CPT1A: variants seen among roughly 807,000 people sequenced by gnomAD.
CPT1A encodes the protein carnitine palmitoyltransferase 1A, also known as carnitine O-palmitoyltransferase 1, liver isoform.
In CPT1A, 64 loss-of-function variants were observed where a neutral mutation model predicts 100.8. That is an observed-to-expected ratio of 0.63 (90% CI 0.52 to 0.78). The LOEUF (loss-of-function observed/expected upper bound fraction) is 0.78. CPT1A is among the 30% of genes least tolerant of loss of function. CPT1A has a pLI of 0.00. For missense variants in CPT1A, 802 were observed against 1,034.1 expected, an observed-to-expected ratio of 0.78 and a Z score of 3.08; for synonymous variants, 363 against 396.0, an observed-to-expected ratio of 0.92 and a Z score of 0.99.
In CPT1A at chr11:68,781,621, AAAAAT is replaced by A. The variant is rs528239188; in HGVS notation, c.1352+145_1352+149del. On this transcript the variant is annotated intron_variant, in intron 11 of 18. Coordinates refer to ENST00000265641, the MANE Select transcript of CPT1A (RefSeq NM_001876.4). ...GGTGACAGAGCAAGACTCCATTTCAAAAAATAAAATAAAATAAAACTGAAGGTTAT... is the reference window on the plus strand; with the variant it reads ...GGTGACAGAGCAAGACTCCATTTCAAAAAATAAAATAAAACTGAAGGTTAT... 1.9e-4 allele frequency: 157 copies of A among 828,542 alleles called. No individual in the cohort carries two copies. In the Admixed American group the frequency reaches 2.8e-3, roughly 15 times the overall value. 51.3% of individuals were successfully genotyped at this position (828,542 alleles called of 1,614,324 possible).
chr11:68,802,427 C>G (rs1855927726), intron 5 of CPT1A, among the ~76,000 whole-genome samples: 1 of 31,918 alleles, frequency 3.1e-5, no homozygotes, highest in Non-Finnish European at 6.5e-5. Context: ...AACTCCGTCT[C>G]TGGAAAAAAA....
At chr11:68,779,584 C>G (rs1475160319) in intron 12 of CPT1A, among the ~76,000 whole-genome samples, 1 of 150,778 alleles carries the variant, frequency 6.6e-6, no homozygotes, top group Non-Finnish European at 1.5e-5. Context: ...TCCCCTGTGC[C>G]CAGGAGTTCA....
intron 9 of CPT1A, among the ~76,000 whole-genome samples, chr11:68,788,678 T>G (rs911942917): frequency 2.8e-5 from 2 of 72,528 alleles, no homozygotes; most frequent in African/African-American, 9.9e-5. Flanking sequence ...AATATATAAA[T>G]ACTTTCTACA....
chr11:68,771,929 A>G (rs1182226417), intron 14 of CPT1A, among the ~76,000 whole-genome samples: 1 of 152,214 alleles, frequency 6.6e-6, no homozygotes, highest in Non-Finnish European at 1.5e-5. Flanking sequence ...GGATAACAAG[A>G]GTGCCTCCCA....
chr11:68,804,015 T>G lies in CPT1A; in HGVS notation c.540A>C (p.Lys180Asn), dbSNP rs1274094235. 7.4e-6 allele frequency: 12 copies of G among 1,613,800 alleles called. No homozygotes were observed. Among genetic ancestry groups the G allele is most frequent in the African/African-American group, 1.3e-5 (1 of 74,932 alleles). ...SLPRLPVPAV[K>N]DTVNRYLQSV... The stretch of plus-strand genomic sequence containing the variant: ...CCACACCTACCCTGTTCACAGTGTC[T>G]TTGACAGCCGGGACCGGCAGGCGAG... Residue 180 changes from lysine to asparagine, a missense_variant, in exon 5 of 19, where the codon AAA becomes AAC. Lys to Asn is a moderately conservative substitution (Grantham distance 94, BLOSUM62 0). This residue lies in a region of CPT1A where 627 missense variants were observed against 799.3 expected (regional missense o/e 0.78). Coordinates refer to ENST00000265641, the MANE Select transcript of CPT1A (RefSeq NM_001876.4).
Position 68,780,722 on chromosome 11 carries a change from A to G in CPT1A, c.1376T>C (p.Phe459Ser). 1 of 1,614,248 alleles carries G rather than the reference A, an allele frequency of 6.2e-7. No individual in the cohort carries two copies. Among genetic ancestry groups the G allele is most frequent in the Non-Finnish European group, 8.5e-7 (1 of 1,180,034 alleles). ...YDRWFDKSFTFVVFKNGKMGL... is the reference protein window; with the variant it reads ...YDRWFDKSFTSVVFKNGKMGL... The stretch of plus-strand genomic sequence containing the variant: ...CATCTTCCCGTTTTTGAAGACAACA[A>G]ACGTGAACGACTTGTCAAACCACCT... Residue 459 changes from phenylalanine (F) to serine (S), a missense_variant, in exon 12 of 19, where the codon TTT becomes TCT. Coordinates refer to ENST00000265641, the MANE Select transcript of CPT1A (RefSeq NM_001876.4).
chr11:68,773,827 A>T (rs1855064585), intron 13 of CPT1A: 1 of 310,198 alleles, frequency 3.2e-6, no homozygotes, highest in Non-Finnish European at 6.3e-6. Context: ...TCCCGATAAG[A>T]TCTCAAGCGT....
At chr11:68,830,361 C>T (rs1222847150) in intron 1 of CPT1A, among the ~76,000 whole-genome samples, 1 of 152,142 alleles carries the variant, frequency 6.6e-6, no homozygotes, top group Non-Finnish European at 1.5e-5. Context: ...TGGGAGCTCA[C>T]ACAGACCTCC....
intron 13 of CPT1A, chr11:68,773,965 A>T (rs760756341): frequency 2.3e-4 from 44 of 187,590 alleles, no homozygotes; most frequent in Admixed American, 5.9e-4. Context: ...GCACAACTCC[A>T]GTAAACATAC....
chr11:68,811,455 T>G (rs541909991), intron 3 of CPT1A, among the ~76,000 whole-genome samples: 1 of 152,206 alleles, frequency 6.6e-6, no homozygotes, highest in Admixed American at 6.5e-5. Context: ...ACGAGGAAGC[T>G]GAGTTGCCCT....
At chr11:68,838,578 A>AAAAAAAAAAAAAAAAAAAAC (rs1555235318) in intron 1 of CPT1A, among the ~76,000 whole-genome samples, 1 of 144,292 alleles carries the variant, frequency 6.9e-6, no homozygotes, top group Non-Finnish European at 1.5e-5. Flanking sequence ...TTTTTAAAAA[A>AAAAAAAAAAAAAAAAAAAAC]AAAAAAAAAA....
intron 9 of CPT1A, among the ~76,000 whole-genome samples, chr11:68,790,110 A>C (rs1375622976): frequency 6.6e-6 from 1 of 151,888 alleles, no homozygotes; most frequent in African/African-American, 2.4e-5. Context: ...TCTGTCACCC[A>C]GGCTAAGTGC....
chr11:68,799,344 C>G lies in CPT1A; in HGVS notation c.567G>C (p.Ser189=), dbSNP rs1366738895. ...VKDTVNRYLQ[S]VRPLMKEEDF... ...CTTCTTCCTTCATAAGAGGCCTCAC[C>G]GACTGTAGATACTGGGATTATTGGG... Residue 189 remains serine (S), a synonymous_variant, in exon 6 of 19, where the codon TCG becomes TCC. Transcript: ENST00000265641. 1.4e-5 allele frequency: 22 copies of G among 1,613,634 alleles called. No individual in the cohort carries two copies. The highest frequency in any genetic ancestry group is 1.9e-5 in the Non-Finnish European group (22 of 1,179,884).
At position 68,760,605 on chromosome 11, in the gene CPT1A, T is replaced by C. The variant is rs148216817; in HGVS notation, c.2029-267A>G. Among the ~76,000 whole-genome samples the C allele has an allele frequency of 3.3e-3, 505 of 152,178 alleles. 3 individuals are homozygous for C. Among genetic ancestry groups the C allele is most frequent in the African/African-American group, 0.011 (465 of 41,516 alleles). On this transcript the variant is annotated intron_variant, in intron 16 of 18. Transcript: ENST00000265641. ...TCTCAGACAGTGAAGGTAACAGATATATGGAGTAAGATTCGGAACGGGGAC... is the reference window on the plus strand; with the variant it reads ...TCTCAGACAGTGAAGGTAACAGATACATGGAGTAAGATTCGGAACGGGGAC...
intron 1 of CPT1A, among the ~76,000 whole-genome samples, chr11:68,836,328 T>C (rs1006421810): frequency 2.0e-5 from 3 of 149,042 alleles, no homozygotes; most frequent in Admixed American, 2.0e-4. Flanking sequence ...ATATAAAAAA[T>C]TAGCTAGGTG....
At position 68,807,606 on chromosome 11, in the gene CPT1A, AC is replaced by A; in HGVS notation, c.313del (p.Val105SerfsTer22). ...NCMSSQTKNV[V>X]SGVLFGTGLW... ...GCCGGTGCCAAACAGCACGCCGCTG[AC>A]CACGTTCTTCGTCTGGCTGGACATG... On this transcript the variant is annotated frameshift_variant, in exon 4 of 19. Coordinates refer to ENST00000265641, the MANE Select transcript of CPT1A (RefSeq NM_001876.4). LOFTEE classifies it high-confidence loss of function. 1.9e-6 allele frequency: 3 copies of A among 1,614,124 alleles called. No individual in the cohort carries two copies. The highest frequency in any genetic ancestry group is 2.5e-6 in the Non-Finnish European group (3 of 1,180,036).
rs768418242 is a variant in CPT1A, at chr11:68,781,788, G to A, written c.1335C>T (p.His445=). 27 of 1,614,046 alleles carry A rather than the reference G, an allele frequency of 1.7e-5. No individual in the cohort carries two copies. The highest frequency in any genetic ancestry group is 2.2e-5 in the South Asian group (2 of 91,092). ...GACGGTACCTGTCGTAACATCGGCC[G>A]TGTAGTAGAGATTTGGCGTAGCTGT... ...SMDSYAKSLL[H]GRCYDRWFDK... The change falls in exon 11 of 19, where the codon CAC becomes CAT. Residue 445 remains histidine (H), a synonymous_variant. Coordinates refer to ENST00000265641, the MANE Select transcript of CPT1A (RefSeq NM_001876.4).
intron 4 of CPT1A, 147 bp from the exon 5 acceptor site, chr11:68,804,248 A>T (rs1855983799): frequency 2.9e-6 from 2 of 697,498 alleles, no homozygotes; most frequent in Non-Finnish European, 5.2e-6. Context: ...GCTATGTTAA[A>T]GATCCGAAGC....
chr11:68,782,873 A>T (rs1232645029), intron 10 of CPT1A, among the ~76,000 whole-genome samples: 1 of 152,164 alleles, frequency 6.6e-6, no homozygotes, highest in South Asian at 2.1e-4. Context: ...CTTCCTGTGA[A>T]TGACTCCCAT....
Sources: allele counts gnomAD v4.1 joint callset (sites outside exome capture counted in the v4.1 genomes callset), GRCh38; gene constraint gnomAD v4.1.1; regional missense constraint gnomAD v4.1.1; transcripts MANE v1.5; gene names NCBI Gene and HGNC (gene_info 2026-07-23, HGNC 2026-07-21).